Variants in RIGI observed in about 807,000 individuals in gnomAD.
RIGI encodes antiviral innate immune response receptor RIG-I.
chr9:32,486,206 C>T, the RIGI span, among the ~76,000 whole-genome samples: 5 of 151,988 alleles, frequency 3.3e-5, no homozygotes, highest in African/African-American at 1.2e-4. Flanking sequence ...AATCCTAACA[C>T]TTTGGGAGGC....
At chr9:32,524,302 G>T in the RIGI span, among the ~76,000 whole-genome samples, 1 of 152,076 alleles carries the variant, frequency 6.6e-6, no homozygotes, top group Non-Finnish European at 1.5e-5. Context: ...ACTGACACGA[G>T]TTGCTTATTT....
the RIGI span, among the ~76,000 whole-genome samples, chr9:32,474,439 C>A: frequency 6.6e-6 from 1 of 152,158 alleles, no homozygotes; most frequent in African/African-American, 2.4e-5. Flanking sequence ...AGGGGACTTA[C>A]TGACTTGCTT....
chr9:32,464,638 A>C, the RIGI span, among the ~76,000 whole-genome samples: 2 of 152,192 alleles, frequency 1.3e-5, no homozygotes, highest in Admixed American at 1.3e-4. Context: ...CGGCCTCCCA[A>C]AGTGCTGGGA....
the RIGI span, among the ~76,000 whole-genome samples, chr9:32,463,935 T>G: frequency 2.1e-5 from 3 of 142,826 alleles, no homozygotes; most frequent in African/African-American, 5.4e-5. Context: ...CATCCCTTAT[T>G]CCTCCAGAAT....
At chr9:32,521,214 G>A in the RIGI span, among the ~76,000 whole-genome samples, 1 of 145,230 alleles carries the variant, frequency 6.9e-6, no homozygotes, top group Non-Finnish European at 1.5e-5. Flanking sequence ...CGGCTTATAA[G>A]GTTTTATTAA....
the RIGI span, among the ~76,000 whole-genome samples, chr9:32,499,336 T>TTTTTTTTTTTTTC: frequency 7.0e-6 from 1 of 142,058 alleles, no homozygotes; most frequent in Admixed American, 7.0e-5. Flanking sequence ...TTTTTTTTTT[T>TTTTTTTTTTTTTC]TGCTTTCTTT....
the RIGI span, chr9:32,501,066 G>T: frequency 8.3e-7 from 1 of 1,198,174 alleles, no homozygotes; most frequent in Non-Finnish European, 1.2e-6. Flanking sequence ...AGCATTGGAA[G>T]AATCTTTGGA....
the RIGI span, chr9:32,481,526 ACT>A: frequency 6.9e-7 from 1 of 1,455,662 alleles, no homozygotes; most frequent in Non-Finnish European, 9.3e-7. Context: ...AAAGTTTTTC[ACT>A]GTCTCATATG....
chr9:32,518,960 T>A, the RIGI span, among the ~76,000 whole-genome samples: 1 of 152,228 alleles, frequency 6.6e-6, no homozygotes, highest in Non-Finnish European at 1.5e-5. Context: ...TTCACCCATC[T>A]TGGCCTCCCA....
At chr9:32,497,706 C>T in the RIGI span, among the ~76,000 whole-genome samples, 6 of 152,222 alleles carry the variant, frequency 3.9e-5, no homozygotes, top group Non-Finnish European at 8.8e-5. Context: ...GAGATTGCGC[C>T]ACTGCACTCC....
At chr9:32,472,257 T>C in the RIGI span, among the ~76,000 whole-genome samples, 1 of 152,226 alleles carries the variant, frequency 6.6e-6, no homozygotes, top group African/African-American at 2.4e-5. Context: ...TCTTAATCTA[T>C]TGGTTGAAAA....
chr9:32,516,476 C>A, the RIGI span, among the ~76,000 whole-genome samples: 2 of 152,148 alleles, frequency 1.3e-5, no homozygotes, highest in Non-Finnish European at 2.9e-5. Flanking sequence ...TCCTAAGCAA[C>A]TGCCCACCCA....
At chr9:32,525,921 C>T in the RIGI span, 1 of 730,824 alleles carries the variant, frequency 1.4e-6, no homozygotes, top group South Asian at 1.5e-5. Context: ...CAACCTCTAG[C>T]CTAAAATGCT....
chr9:32,494,101 T>C, the RIGI span, among the ~76,000 whole-genome samples: 2 of 152,208 alleles, frequency 1.3e-5, no homozygotes, highest in East Asian at 3.8e-4. Context: ...AAGAAAACAG[T>C]ATTCATTTTA....
At chr9:32,514,348 G>A in the RIGI span, among the ~76,000 whole-genome samples, 1 of 152,126 alleles carries the variant, frequency 6.6e-6, no homozygotes, top group African/African-American at 2.4e-5. Flanking sequence ...ATGATAAACT[G>A]GATAAAGAAA....
the RIGI span, among the ~76,000 whole-genome samples, chr9:32,469,562 T>C: frequency 6.6e-6 from 1 of 152,340 alleles, no homozygotes; most frequent in South Asian, 2.1e-4. Context: ...GCGGGTTCTA[T>C]GGTAGACCCA....
the RIGI span, among the ~76,000 whole-genome samples, chr9:32,460,804 G>A: frequency 3.3e-5 from 5 of 152,110 alleles, no homozygotes; most frequent in African/African-American, 9.6e-5. Flanking sequence ...TCAAGGACCC[G>A]TAGGACTATA....
the RIGI span, among the ~76,000 whole-genome samples, chr9:32,499,311 G>GTTT: frequency 8.6e-4 from 70 of 81,096 alleles, no homozygotes; most frequent in East Asian, 1.4e-3. Flanking sequence ...CAGAGTTTGT[G>GTTT]ATTTGTTTTT....
chr9:32,487,354 A>T, the RIGI span: 1 of 1,030,654 alleles, frequency 9.7e-7, no homozygotes, highest in South Asian at 1.7e-5. Flanking sequence ...GTTCAAGGTT[A>T]AATATTTTCT....
Sources: allele counts gnomAD v4.1 joint callset (sites outside exome capture counted in the v4.1 genomes callset), GRCh38; gene constraint gnomAD v4.1.1; transcripts MANE v1.5; gene names NCBI Gene and HGNC (gene_info 2026-07-23, HGNC 2026-07-21).